TRIM35: variants seen among roughly 807,000 people sequenced by gnomAD.
The protein encoded by TRIM35 is tripartite motif containing 35, also known as E3 ubiquitin-protein ligase TRIM35.
A neutral mutation model predicts 49.1 loss-of-function variants in TRIM35; 37 were observed. The ratio of observed to expected loss-of-function variants is 0.75; its 90% CI spans 0.58 to 0.99. TRIM35 has a LOEUF of 0.99. Among genes scored for constraint, TRIM35 ranks in the 50% least tolerant of loss-of-function variants. The pLI, the probability that TRIM35 is intolerant of heterozygous loss-of-function variation, is 0.00. For missense variants in TRIM35, 648 were observed against 702.7 expected (o/e 0.92, Z 0.88); for synonymous variants, 302 against 289.3 (o/e 1.04, Z -0.45).
chr8:27,304,414 C>A (rs1368071496), intron 1 of TRIM35, among the ~76,000 whole-genome samples: 2 of 152,192 alleles, frequency 1.3e-5, no homozygotes, highest in Non-Finnish European at 2.9e-5. Context: ...CCCAACATCA[C>A]CTTGAAAACT....
At chr8:27,306,641 A>C (rs1470965259) in intron 1 of TRIM35, among the ~76,000 whole-genome samples, 1 of 152,164 alleles carries the variant, frequency 6.6e-6, no homozygotes, top group Non-Finnish European at 1.5e-5. Context: ...ATATTTTCTT[A>C]ACAGCTTACT....
chr8:27,311,269 T>C lies in TRIM35; in HGVS notation c.-34A>G, dbSNP rs1157576708. On this transcript the variant is annotated 5_prime_UTR_variant, in exon 1 of 6. Coordinates refer to ENST00000305364, the MANE Select transcript of TRIM35 (RefSeq NM_171982.5). ...CAGCCGGCTCGGGCGCCCGGAACTT[T>C]TGCTCCGGCCCCTCCCACCCGCCCG... 3 of 1,468,906 alleles carry C rather than the reference T, an allele frequency of 2.0e-6. No individual in the cohort carries two copies. The highest frequency in any genetic ancestry group is 4.9e-5 in the Admixed American group (2 of 40,614). The allele number at this position is 1,468,906 out of a possible 1,614,324, so 91.0% of individuals were successfully genotyped here.
Position 27,289,175 on chromosome 8 carries a change from T to A in TRIM35, c.891A>T (p.Ala297=), listed in dbSNP as rs143589116. ...ACCCCCGCTCACCAGATTCCACAGA[T>A]GCAAGCATCTTCTTCCAGACGCGGT... ...LQYRVWKKML[A]SVESVPFSFD... is the part of the protein sequence containing the mutation. The change falls in exon 5 of 6, where the codon GCA becomes GCT. Residue 297 remains alanine (A), a synonymous_variant. Transcript: ENST00000305364. The A allele has an allele frequency of 1.6e-3, 2,507 of 1,613,874 alleles. 3 individuals are homozygous for A. Among genetic ancestry groups the A allele is most frequent in the Non-Finnish European group, 1.7e-3 (2,053 of 1,179,848 alleles).
At chr8:27,295,799 G>A (rs753503168) in intron 2 of TRIM35, among the ~76,000 whole-genome samples, 3 of 152,004 alleles carry the variant, frequency 2.0e-5, no homozygotes, top group African/African-American at 7.2e-5. Flanking sequence ...GAAAATATAC[G>A]AAAAGGATTC....
chr8:27,308,727 C>T (rs959155185), intron 1 of TRIM35, among the ~76,000 whole-genome samples: 6 of 152,218 alleles, frequency 3.9e-5, no homozygotes, highest in African/African-American at 1.4e-4. Flanking sequence ...GCTGACCACA[C>T]CTGGCTCTCA....
At chr8:27,293,243 A>G (rs895158607) in intron 3 of TRIM35, among the ~76,000 whole-genome samples, 6 of 152,136 alleles carry the variant, frequency 3.9e-5, no homozygotes, top group African/African-American at 1.4e-4. Flanking sequence ...CAGGTACAAG[A>G]GACACCTCAC....
chr8:27,285,970 T>C lies in TRIM35; in HGVS notation c.*1580A>G. 2 of 387,998 alleles carry C rather than the reference T, an allele frequency of 5.2e-6. No homozygotes were observed. Among genetic ancestry groups the C allele is most frequent in the East Asian group, 7.3e-5 (1 of 13,620 alleles). 24.0% of individuals were successfully genotyped at this position (387,998 alleles called of 1,614,324 possible). On this transcript the variant is annotated 3_prime_UTR_variant, in exon 6 of 6. Transcript: ENST00000305364. The stretch of plus-strand genomic sequence containing the variant: ...CTGACATCGCCTACCTGGGCCCTCC[T>C]TGTGGCCTTAAGTTTTATCTAACCA...
chr8:27,298,805 G>C (rs1377272319), intron 1 of TRIM35, among the ~76,000 whole-genome samples: 1 of 152,212 alleles, frequency 6.6e-6, no homozygotes, highest in Non-Finnish European at 1.5e-5. Flanking sequence ...GTACAGACTG[G>C]GAGATGGGGC....
intron 1 of TRIM35, among the ~76,000 whole-genome samples, chr8:27,299,016 G>C (rs1026362330): frequency 6.6e-6 from 1 of 152,124 alleles, no homozygotes; most frequent in African/African-American, 2.4e-5. Flanking sequence ...ACTGACAATG[G>C]GGGTGGAGCC....
chr8:27,288,250 G>A (rs1345291894), intron 5 of TRIM35, 123 bp from the exon 6 acceptor site: 1 of 964,304 alleles, frequency 1.0e-6, no homozygotes, highest in Non-Finnish European at 1.5e-6. Flanking sequence ...TGCAAGGAGT[G>A]GCCCAGGGCT....
intron 1 of TRIM35, among the ~76,000 whole-genome samples, chr8:27,310,037 T>C (rs1802884137): frequency 6.6e-6 from 1 of 151,546 alleles, no homozygotes; most frequent in Non-Finnish European, 1.5e-5. Flanking sequence ...GCCATGGACA[T>C]GTTCAGAAAA....
At chr8:27,289,790 A>G (rs1450647876) in intron 4 of TRIM35, among the ~76,000 whole-genome samples, 10 of 152,234 alleles carry the variant, frequency 6.6e-5, no homozygotes, top group African/African-American at 2.4e-4. Context: ...ACAACCATCA[A>G]CACAAACCAC....
chr8:27,290,602 G>T (rs1051961688), intron 3 of TRIM35, among the ~76,000 whole-genome samples: 1 of 152,186 alleles, frequency 6.6e-6, no homozygotes, highest in African/African-American at 2.4e-5. Context: ...GCCTCACCCA[G>T]AACACTGAGC....
At chr8:27,299,611 G>C (rs901973677) in intron 1 of TRIM35, among the ~76,000 whole-genome samples, 1 of 152,236 alleles carries the variant, frequency 6.6e-6, no homozygotes, top group African/African-American at 2.4e-5. Flanking sequence ...ACAGCACCCA[G>C]TGATCCCTCC....
intron 3 of TRIM35, among the ~76,000 whole-genome samples, chr8:27,291,635 T>C (rs1802456750): frequency 6.6e-6 from 1 of 152,198 alleles, no homozygotes; most frequent in African/African-American, 2.4e-5. Flanking sequence ...ATAGCCAAAA[T>C]AGAAACAACC....
At chr8:27,305,313 T>A (rs567749055) in intron 1 of TRIM35, among the ~76,000 whole-genome samples, 1 of 152,352 alleles carries the variant, frequency 6.6e-6, no homozygotes, top group African/African-American at 2.4e-5. Flanking sequence ...TCTTTCCCCT[T>A]TGTGTTCAGA....
intron 4 of TRIM35, 77 bp downstream of exon 4, chr8:27,290,079 C>A: frequency 2.2e-5 from 35 of 1,568,824 alleles, no homozygotes; most frequent in Non-Finnish European, 2.9e-5. Context: ...ACCTGCTTGC[C>A]CCGGGGCCAC....
chr8:27,298,674 AC>A (rs1485078410), intron 1 of TRIM35, 115 bp from the exon 2 acceptor site: 6 of 840,104 alleles, frequency 7.1e-6, no homozygotes, highest in Non-Finnish European at 1.2e-5. Context: ...GTGTAACTCA[AC>A]TGCATTTGCC....
chr8:27,305,442 TG>T (rs1802764170), intron 1 of TRIM35, among the ~76,000 whole-genome samples: 2 of 152,204 alleles, frequency 1.3e-5, no homozygotes, highest in South Asian at 4.1e-4. Flanking sequence ...GGCACAGGCC[TG>T]GACAAGCAAG....
Sources: gnomAD v4.1 joint callset for allele counts (sites outside exome capture counted in the v4.1 genomes callset) on GRCh38, gnomAD v4.1.1 for gene constraint, MANE v1.5 for transcripts, NCBI Gene and HGNC (gene_info 2026-07-23, HGNC 2026-07-21) for gene names.